NME7: variants seen among roughly 807,000 people sequenced by gnomAD.
NME7 encodes the protein nucleoside diphosphate kinase 7.
Under a neutral mutation model 49.1 loss-of-function variants are expected in NME7, and 41 were observed. The observed-to-expected ratio is 0.83, with a 90% CI of 0.65 to 1.08. The LOEUF (loss-of-function observed/expected upper bound fraction) is 1.08. Among genes scored for constraint, NME7 ranks in the 50% least tolerant of loss-of-function variants. The pLI, the probability that NME7 is intolerant of heterozygous loss-of-function variation, is 0.00. For missense variants in NME7, 423 were observed against 463.4 expected (o/e 0.91, Z 0.80); for synonymous variants, 139 against 150.6 (o/e 0.92, Z 0.56).
In NME7 at chr1:169,165,880, A is replaced by C. The variant is rs142407406; in HGVS notation, c.1098+3567T>G. 2.0e-4 allele frequency among the ~76,000 whole-genome samples: 31 copies of C among 152,336 alleles called. No individual in the cohort carries two copies. In the East Asian group the frequency reaches 5.4e-3, roughly 27 times the overall value. ...AAGAAAATGTGACTTATTCAAGTTCATATCAAGAAAATAATCAGCCATATA... is the reference window on the plus strand; with the variant it reads ...AAGAAAATGTGACTTATTCAAGTTCCTATCAAGAAAATAATCAGCCATATA... On this transcript the variant is annotated intron_variant, in intron 11 of 11. Transcript: ENST00000367811.
chr1:169,313,615 A>G (rs953320224), intron 3 of NME7, among the ~76,000 whole-genome samples: 2 of 152,168 alleles, frequency 1.3e-5, no homozygotes, highest in Non-Finnish European at 2.9e-5. Flanking sequence ...TATTATTTAC[A>G]TATATGCAAT....
At chr1:169,303,257 C>T in intron 4 of NME7, 62 bp from the exon 5 acceptor site, 1 of 761,800 alleles carries the variant, frequency 1.3e-6, no homozygotes, top group Admixed American at 2.9e-5. Context: ...ATTATTTTAG[C>T]TTACATTAAT....
rs116458028 is a variant in NME7, at chr1:169,199,228, A to G, written c.991-29674T>C. On this transcript the variant is annotated intron_variant, in intron 10 of 11. Transcript: ENST00000367811. ...CTATTACAAGAGTGACAATAATGTT[A>G]GCTAACACTTATTAAGTATTCACTA... 5.6e-3 allele frequency among the ~76,000 whole-genome samples: 859 copies of G among 152,088 alleles called. 8 individuals carry two copies. The highest frequency in any genetic ancestry group is 0.02 in the African/African-American group (822 of 41,524).
intron 4 of NME7, among the ~76,000 whole-genome samples, chr1:169,305,616 A>T (rs1249051494): frequency 6.6e-6 from 1 of 152,140 alleles, no homozygotes; most frequent in Non-Finnish European, 1.5e-5. Context: ...ACCTTGAGGG[A>T]TAAGGTAAAG....
chr1:169,171,804 CTGTT>C (rs1396905971), intron 10 of NME7, among the ~76,000 whole-genome samples: 1 of 131,342 alleles, frequency 7.6e-6, no homozygotes, highest in African/African-American at 2.7e-5. Flanking sequence ...TAATTCCTGG[CTGTT>C]TTTTTTTTTT....
intron 11 of NME7, among the ~76,000 whole-genome samples, chr1:169,158,357 A>G (rs1659144837): frequency 6.6e-6 from 1 of 152,254 alleles, no homozygotes; most frequent in Non-Finnish European, 1.5e-5. Flanking sequence ...TCAGAACGGC[A>G]TACAATTTAA....
intron 1 of NME7, among the ~76,000 whole-genome samples, chr1:169,344,639 A>G (rs1652896195): frequency 7.1e-6 from 1 of 140,334 alleles, no homozygotes; most frequent in Non-Finnish European, 1.6e-5. Flanking sequence ...TGTGTGTTTT[A>G]TCCTTTATTT....
chr1:169,285,763 T>C (rs1034145560), intron 7 of NME7: 1 of 152,190 alleles, frequency 6.6e-6, no homozygotes, highest in African/African-American at 2.4e-5. Flanking sequence ...TAAGTGTTTG[T>C]TATCCATGCT....
chr1:169,336,795 A>G (rs1252386787), intron 1 of NME7, among the ~76,000 whole-genome samples: 1 of 149,602 alleles, frequency 6.7e-6, no homozygotes, highest in African/African-American at 2.5e-5. Flanking sequence ...TAAATCCCTG[A>G]GCTAGACATA....
intron 1 of NME7, among the ~76,000 whole-genome samples, chr1:169,324,722 T>TAAGGG (rs2101939343): frequency 6.6e-6 from 1 of 152,372 alleles, no homozygotes; most frequent in Non-Finnish European, 1.5e-5. Flanking sequence ...CAAAGATGAC[T>TAAGGG]TATGGATTGC....
At chr1:169,199,874 T>C (rs1446306324) in intron 10 of NME7, among the ~76,000 whole-genome samples, 2 of 152,082 alleles carry the variant, frequency 1.3e-5, no homozygotes, top group Non-Finnish European at 2.9e-5. Context: ...ATGATAAAAC[T>C]GAAAGACTTT....
At chr1:169,166,689 G>A (rs998185079) in intron 11 of NME7, among the ~76,000 whole-genome samples, 5 of 152,080 alleles carry the variant, frequency 3.3e-5, no homozygotes, top group South Asian at 2.1e-4. Context: ...AAGTTCATTC[G>A]GAGGTTGGCC....
At chr1:169,349,141 C>CT (rs201691555) in intron 1 of NME7, among the ~76,000 whole-genome samples, 3,867 of 152,006 alleles carry the variant, frequency 0.025, 139 homozygotes, top group African/African-American at 0.086. Context: ...TAATAAGTTT[C>CT]TTTTTTTAAA....
chr1:169,232,299 A>G (rs1647655834), intron 9 of NME7, among the ~76,000 whole-genome samples: 1 of 152,166 alleles, frequency 6.6e-6, no homozygotes, highest in Non-Finnish European at 1.5e-5. Flanking sequence ...GAAGAAGAAG[A>G]AAAAAGCCCT....
At chr1:169,326,926 A>G (rs1652082336) in intron 1 of NME7, among the ~76,000 whole-genome samples, 1 of 152,208 alleles carries the variant, frequency 6.6e-6, no homozygotes, top group Non-Finnish European at 1.5e-5. Flanking sequence ...AATCTAGAAA[A>G]AAGGAGGAAC....
At chr1:169,351,888 C>T (rs576299590) in intron 1 of NME7, among the ~76,000 whole-genome samples, 1 of 152,056 alleles carries the variant, frequency 6.6e-6, no homozygotes, top group Admixed American at 6.6e-5. Flanking sequence ...AAATCCAAAA[C>T]ATGAAAACAC....
intron 11 of NME7, among the ~76,000 whole-genome samples, chr1:169,140,136 T>A (rs185612488): frequency 3.4e-4 from 52 of 152,262 alleles, no homozygotes; most frequent in Admixed American, 3.3e-3. Context: ...ATTAAATTCA[T>A]ATGTACAGAA....
At chr1:169,229,806 C>G (rs1647520066) in intron 10 of NME7, among the ~76,000 whole-genome samples, 1 of 151,892 alleles carries the variant, frequency 6.6e-6, no homozygotes, top group African/African-American at 2.4e-5. Context: ...ACTAAAAATA[C>G]AAAAGATTAG....
intron 1 of NME7, among the ~76,000 whole-genome samples, chr1:169,354,226 A>G (rs1653295805): frequency 6.6e-6 from 1 of 152,164 alleles, no homozygotes; most frequent in Non-Finnish European, 1.5e-5. Context: ...AAAAAATGTG[A>G]TTCTGTCATT....
Sources: allele counts gnomAD v4.1 joint callset (sites outside exome capture counted in the v4.1 genomes callset), GRCh38; gene constraint gnomAD v4.1.1; transcripts MANE v1.5; gene names NCBI Gene and HGNC (gene_info 2026-07-23, HGNC 2026-07-21).